Variants in SDK2 observed in about 807,000 individuals in gnomAD.
SDK2 encodes protein sidekick-2.
SDK2 carries 105 observed loss-of-function variants against 253.9 expected under a neutral mutation model. The observed-to-expected ratio is 0.41, with a 90% CI of 0.35 to 0.49. The LOEUF is 0.49. SDK2 is among the 20% of genes least tolerant of loss of function. The probability of loss-of-function intolerance (pLI) is 0.06; values close to 1 mark genes in which losing one functional copy is unlikely to be tolerated. For synonymous variants in SDK2, 1,249 were observed against 1,234.9 expected (o/e 1.01, Z -0.24); for missense variants, 2,608 against 3,003.0 (o/e 0.87, Z 3.07).
In SDK2 at chr17:73,387,951, C is replaced by G. The variant is rs144987400; in HGVS notation, c.4279G>C (p.Asp1427His). The stretch of plus-strand genomic sequence containing the variant: ...TAGTAGCGCACAGGGGAGAGCCCGT[C>G]GCTCCCTGGCTCCCAGGACAGCAGC... ...SVLLSWEPGS[D>H]GLSPVRYYTI... The change falls in exon 30 of 45, where the codon GAC becomes CAC. Residue 1427 changes from aspartate to histidine, a missense_variant. Coordinates refer to ENST00000392650, the MANE Select transcript of SDK2 (RefSeq NM_001144952.2). The G allele has an allele frequency of 1.5e-5, 23 of 1,576,132 alleles. No individual in the cohort carries two copies. In the East Asian group the frequency reaches 4.7e-4, roughly 32 times the overall value.
rs367806315 is a variant in SDK2 at position 73,358,591 on chromosome 17, T to G, written c.5468-387A>C. 1.5e-4 allele frequency among the ~76,000 whole-genome samples: 23 copies of G among 152,150 alleles called. No homozygotes were observed. In the East Asian group the frequency reaches 2.3e-3, roughly 15 times the overall value. Reference sequence around the variant, plus strand: ...TAAGGGCCTTTTGGAAGGTAAGGCTTGAAGGCTGTGTCCTGGATGGTGGGG... The same window carrying G: ...TAAGGGCCTTTTGGAAGGTAAGGCTGGAAGGCTGTGTCCTGGATGGTGGGG... On this transcript the variant is annotated intron_variant, in intron 39 of 44. Coordinates refer to ENST00000392650, the MANE Select transcript of SDK2 (RefSeq NM_001144952.2).
In SDK2 at chr17:73,419,251, C is replaced by T. The variant is rs112936861; in HGVS notation, c.2101G>A (p.Gly701Ser). The change falls in exon 16 of 45, where the codon GGT becomes AGT. Residue 701 changes from glycine to serine, a missense_variant. Coordinates refer to ENST00000392650, the MANE Select transcript of SDK2 (RefSeq NM_001144952.2). ...ATCATGATGGACTGGTTGGTTCGAC[C>T]GCTGGCGATGACGTTCTGTGGAGGG... ...TAPPQNVIASGRTNQSIMIQW... is the reference protein window; with the variant it reads ...TAPPQNVIASSRTNQSIMIQW... The T allele has an allele frequency of 2.0e-5, 32 of 1,612,928 alleles. No homozygotes were observed. Among genetic ancestry groups the T allele is most frequent in the Middle Eastern group, 1.7e-4 (1 of 6,058 alleles).
chr17:73,583,837 C>T (rs1353836442), intron 1 of SDK2, among the ~76,000 whole-genome samples: 4 of 152,220 alleles, frequency 2.6e-5, no homozygotes, highest in Non-Finnish European at 5.9e-5. Context: ...CTGGCTCTGC[C>T]ACTGACTTAC....
chr17:73,592,757 G>A (rs778009673), intron 1 of SDK2, among the ~76,000 whole-genome samples: 23 of 152,300 alleles, frequency 1.5e-4, no homozygotes, highest in Non-Finnish European at 2.4e-4. Flanking sequence ...CCCCATTTCC[G>A]GAAGGAGGAC....
intron 18 of SDK2, among the ~76,000 whole-genome samples, chr17:73,408,891 C>G (rs1238710537): frequency 6.6e-6 from 1 of 152,198 alleles, no homozygotes; most frequent in South Asian, 2.1e-4. Context: ...GACTGGATAT[C>G]TGATGATATT....
At chr17:73,537,514 A>C (rs757970428) in intron 1 of SDK2, among the ~76,000 whole-genome samples, 6 of 151,918 alleles carry the variant, frequency 3.9e-5, no homozygotes, top group Non-Finnish European at 5.9e-5. Context: ...AGAGCTGCTG[A>C]TGGAGAGGCA....
rs2046409272 is a variant in SDK2 at position 73,642,360 on chromosome 17, C to T, written c.64+1665G>A. On this transcript the variant is annotated intron_variant, in intron 1 of 44. Transcript: ENST00000392650. This position sits in a 1 kb window ranked among gnomAD's most constrained non-coding sequence, Gnocchi z 4.7. ...GTAGAGCAATGAAGTTAGAAGGGTC[C>T]AGACAGATGCTGGCATCCCGTCCCT... 6.6e-6 allele frequency among the ~76,000 whole-genome samples: 1 copy of T among 152,212 alleles called. No individual in the cohort carries two copies. Among genetic ancestry groups the T allele is most frequent in the Non-Finnish European group, 1.5e-5 (1 of 68,028 alleles).
At chr17:73,422,601 C>T (rs891136514) in intron 14 of SDK2, among the ~76,000 whole-genome samples, 167 bp from the exon 15 acceptor site, 6 of 152,142 alleles carry the variant, frequency 3.9e-5, no homozygotes, top group African/African-American at 1.4e-4. Context: ...GTCCCATTAG[C>T]TCACACGACC....
chr17:73,468,350 C>T (rs1442817807), intron 3 of SDK2, among the ~76,000 whole-genome samples: 1 of 152,096 alleles, frequency 6.6e-6, no homozygotes, highest in African/African-American at 2.4e-5. Context: ...AGAAATCCTT[C>T]CAACGAGCCT....
chr17:73,384,841 A>G (rs914785315), intron 32 of SDK2, among the ~76,000 whole-genome samples: 7 of 152,154 alleles, frequency 4.6e-5, no homozygotes, highest in Non-Finnish European at 8.8e-5. Context: ...AAAAACCCCA[A>G]AAAACCAAAA....
chr17:73,526,535 G>C (rs1281648918), intron 1 of SDK2, among the ~76,000 whole-genome samples: 1 of 152,234 alleles, frequency 6.6e-6, no homozygotes, highest in Non-Finnish European at 1.5e-5. Flanking sequence ...GTGACGATCA[G>C]AGTCCTAGGC....
Position 73,541,231 on chromosome 17 carries a change from G to A in SDK2, c.65-33634C>T, listed in dbSNP as rs1247839427. ...GGCAGCAGTGAAGGGAGGTGCCCGG[G>A]GGGCTGCAGGGGATGGGCTGCAGTG... On this transcript the variant is annotated intron_variant, in intron 1 of 44. Transcript: ENST00000392650. This position sits in a 1 kb window ranked among gnomAD's most constrained non-coding sequence, Gnocchi z 4.3. 6.6e-6 allele frequency among the ~76,000 whole-genome samples: 1 copy of A among 152,226 alleles called. No homozygotes were observed. The highest frequency in any genetic ancestry group is 6.5e-5 in the Admixed American group (1 of 15,288).
rs775526362 is a variant in SDK2, at chr17:73,399,145, G to T, written c.3093+23C>A. 2.4e-5 allele frequency: 38 copies of T among 1,612,320 alleles called. 1 individual carries two copies. The South Asian group carries it at 4.0e-4, about 17-fold the overall frequency. On this transcript the variant is annotated intron_variant, in intron 22 of 44. Transcript: ENST00000392650. ...CGGGGTGCCCTGGCGGGGGCTGCTG[G>T]TCAGGCCCCAGGCCTGCCCTACCTG...
At chr17:73,602,516 C>T (rs1441991477) in intron 1 of SDK2, among the ~76,000 whole-genome samples, 15 of 148,580 alleles carry the variant, frequency 1.0e-4, no homozygotes, top group Non-Finnish European at 1.0e-4. Context: ...AAAAAAAAGT[C>T]TAAGTTCTTT....
chr17:73,479,256 C>T (rs906566981), intron 2 of SDK2, among the ~76,000 whole-genome samples: 8 of 152,206 alleles, frequency 5.3e-5, no homozygotes, highest in African/African-American at 1.7e-4. Context: ...CCACTGAGCT[C>T]GGGAACCCAG....
At chr17:73,607,740 G>A (rs112084521) in intron 1 of SDK2, among the ~76,000 whole-genome samples, 1 of 152,178 alleles carries the variant, frequency 6.6e-6, no homozygotes, top group African/African-American at 2.4e-5. Context: ...AAGCAACAGA[G>A]AGTCGGATCT....
At chr17:73,342,312 C>T (rs1357930839) in intron 44 of SDK2, among the ~76,000 whole-genome samples, 6 of 152,168 alleles carry the variant, frequency 3.9e-5, no homozygotes, top group Non-Finnish European at 8.8e-5. Context: ...TGCCCCATGA[C>T]GCAATGCAGC....
In SDK2 at chr17:73,399,279, C is replaced by A. The variant is rs139261927; in HGVS notation, c.2982G>T (p.Gly994=). The part of the protein sequence containing the change: ...ISSGVPPELP[G]PPTNLGISNI... The stretch of plus-strand genomic sequence containing the variant: ...TGGAAATGCCCAGGTTGGTGGGGGG[C>A]CCTGGGAGTTCTGGAAAAGGAGAAC... The change falls in exon 22 of 45, where the codon GGG becomes GGT. Residue 994 remains glycine (G), a synonymous_variant. Transcript: ENST00000392650. 6.2e-7 allele frequency: 1 copy of A among 1,613,500 alleles called. No homozygotes were observed. Among genetic ancestry groups the A allele is most frequent in the South Asian group, 1.1e-5 (1 of 91,062 alleles).
At chr17:73,446,045 G>A (rs1339481960) in intron 5 of SDK2, among the ~76,000 whole-genome samples, 3 of 152,146 alleles carry the variant, frequency 2.0e-5, no homozygotes, top group African/African-American at 7.2e-5. Flanking sequence ...AGGAGGAGCT[G>A]GATGCCGGAG....
Sources: gnomAD v4.1 joint callset for allele counts (sites outside exome capture counted in the v4.1 genomes callset) on GRCh38, gnomAD v4.1.1 for gene constraint, Gnocchi (gnomAD v3.1) non-coding constraint, MANE v1.5 for transcripts, NCBI Gene and HGNC (gene_info 2026-07-23, HGNC 2026-07-21) for gene names.